The following AKAP10 variants were observed in gnomAD, a reference collection of about 807,000 sequenced individuals.
The protein encoded by AKAP10 is A-kinase anchoring protein 10.
A neutral mutation model predicts 80.8 loss-of-function variants in AKAP10; 24 were observed. The observed-to-expected ratio is 0.30, with a 90% CI of 0.22 to 0.42. The LOEUF (loss-of-function observed/expected upper bound fraction) is 0.42, where lower values mean the gene tolerates loss of function less well. AKAP10 is among the 10% of genes least tolerant of loss of function. The pLI is 1.00. For missense variants in AKAP10, 661 were observed against 794.9 expected (o/e 0.83, Z 2.03); for synonymous variants, 291 against 277.7 (o/e 1.05, Z -0.48).
At chr17:19,950,343 C>T (rs2043185656) in intron 4 of AKAP10, among the ~76,000 whole-genome samples, 1 of 152,274 alleles carries the variant, frequency 6.6e-6, no homozygotes, top group Non-Finnish European at 1.5e-5. Context: ...CCCTCTGATG[C>T]CACCAAAGTT....
chr17:19,968,835 T>TG (rs1299932553), intron 1 of AKAP10, among the ~76,000 whole-genome samples: 2 of 152,088 alleles, frequency 1.3e-5, no homozygotes, highest in Non-Finnish European at 2.9e-5. Context: ...GGATTATTGA[T>TG]GAAAAAAAAT....
chr17:19,929,585 G>A (rs1331337424), intron 10 of AKAP10: 1 of 151,986 alleles, frequency 6.6e-6, no homozygotes, highest in Non-Finnish European at 1.5e-5. Context: ...GGTGTCTAAG[G>A]TTATGATAAG....
At chr17:19,928,331 A>C (rs902762620) in intron 10 of AKAP10, among the ~76,000 whole-genome samples, 6 of 152,232 alleles carry the variant, frequency 3.9e-5, no homozygotes, top group Non-Finnish European at 8.8e-5. Context: ...AAAGATGCTC[A>C]ACATCATTAC....
chr17:19,946,260 T>TATA (rs1567765850), intron 5 of AKAP10, among the ~76,000 whole-genome samples: 6 of 27,830 alleles, frequency 2.2e-4, no homozygotes, highest in Non-Finnish European at 6.3e-5. Context: ...TATATATATA[T>TATA]ATATATATAT....
At chr17:19,943,712 T>C (rs1468644418) in intron 5 of AKAP10, among the ~76,000 whole-genome samples, 1 of 152,194 alleles carries the variant, frequency 6.6e-6, no homozygotes, top group African/African-American at 2.4e-5. Flanking sequence ...CTGTGGGAAC[T>C]CCAATTTATA....
intron 10 of AKAP10, 143 bp from the exon 11 acceptor site, chr17:19,924,660 A>G: frequency 2.1e-6 from 1 of 473,830 alleles, no homozygotes; most frequent in Admixed American, 4.1e-5. Context: ...ATGCTTAACA[A>G]CAATGACTCT....
intron 3 of AKAP10, among the ~76,000 whole-genome samples, chr17:19,960,751 G>C (rs1184719648): frequency 2.0e-5 from 3 of 152,146 alleles, no homozygotes; most frequent in African/African-American, 7.2e-5. Flanking sequence ...ACCAGCCAGG[G>C]ATGACGGCTC....
intron 14 of AKAP10, 97 bp downstream of exon 14, chr17:19,909,084 T>A: frequency 1.0e-6 from 1 of 994,680 alleles, no homozygotes; most frequent in Non-Finnish European, 1.5e-6. Context: ...CCACAGCAGT[T>A]AATCCTTCAA....
chr17:19,913,039 G>A (rs1567750767), intron 12 of AKAP10, among the ~76,000 whole-genome samples: 3 of 150,792 alleles, frequency 2.0e-5, no homozygotes, highest in African/African-American at 7.3e-5. Context: ...ATGTAGTGGT[G>A]CATTATCAGC....
intron 12 of AKAP10, among the ~76,000 whole-genome samples, chr17:19,912,131 T>C (rs1216258229): frequency 6.6e-6 from 1 of 152,122 alleles, no homozygotes; most frequent in East Asian, 1.9e-4. Context: ...AAACTCAATC[T>C]TGGCTGGGCA....
intron 8 of AKAP10, among the ~76,000 whole-genome samples, chr17:19,938,374 T>C (rs1316599875): frequency 6.6e-6 from 1 of 151,842 alleles, no homozygotes; most frequent in African/African-American, 2.4e-5. Context: ...GTAGCTGGGA[T>C]TACAGGTGTG....
At chr17:19,947,607 T>C (rs1363747260) in intron 4 of AKAP10, 102 bp from the exon 5 acceptor site, 5 of 829,334 alleles carry the variant, frequency 6.0e-6, no homozygotes, top group East Asian at 4.9e-5. Context: ...TGAGTTCCTA[T>C]TGCAAAATAA....
intron 1 of AKAP10, 90 bp from the exon 2 acceptor site, chr17:19,968,551 A>G (rs980211333): frequency 2.8e-6 from 3 of 1,083,526 alleles, no homozygotes; most frequent in Non-Finnish European, 4.2e-6. Flanking sequence ...TTATTCTAAG[A>G]TGAGTATTCA....
chr17:19,910,883 A>T (rs1428493551), intron 12 of AKAP10, among the ~76,000 whole-genome samples: 1 of 152,218 alleles, frequency 6.6e-6, no homozygotes, highest in Non-Finnish European at 1.5e-5. Context: ...CCACATCTGT[A>T]ATCACATGCT....
At position 19,977,782 on chromosome 17, in the gene AKAP10, A is replaced by C; in HGVS notation, c.-103T>G. ...GCCCCACCGCCTCCTCGGGATGCCC[A>C]GGCAGCTCCAGCCGCCATATTATCA... On this transcript the variant is annotated 5_prime_UTR_variant, in exon 1 of 15. Coordinates refer to ENST00000225737, the MANE Select transcript of AKAP10 (RefSeq NM_007202.4). 2 of 640,714 alleles carry C rather than the reference A, an allele frequency of 3.1e-6. No individual in the cohort carries two copies. Among genetic ancestry groups the C allele is most frequent in the Non-Finnish European group, 4.5e-6 (2 of 446,682 alleles). 39.7% of individuals were successfully genotyped at this position (640,714 alleles called of 1,614,324 possible).
At chr17:19,919,660 G>T (rs1205866158) in intron 12 of AKAP10, among the ~76,000 whole-genome samples, 1 of 151,552 alleles carries the variant, frequency 6.6e-6, no homozygotes, top group Non-Finnish European at 1.5e-5. Flanking sequence ...CTCCGGTCTG[G>T]GTGACAGAGC....
At chr17:19,914,846 C>T (rs2042728549) in intron 12 of AKAP10, among the ~76,000 whole-genome samples, 1 of 152,004 alleles carries the variant, frequency 6.6e-6, no homozygotes, top group Non-Finnish European at 1.5e-5. Context: ...AGTGAAGAAA[C>T]TTCAGCAAAA....
At chr17:19,960,127 C>G (rs967127045) in intron 3 of AKAP10, among the ~76,000 whole-genome samples, 3 of 152,140 alleles carry the variant, frequency 2.0e-5, no homozygotes, top group Non-Finnish European at 2.9e-5. Flanking sequence ...TTTAGTTTCT[C>G]CCATGGTAAC....
chr17:19,937,739 C>CAGA lies in AKAP10; in HGVS notation c.1323-1312_1323-1310dup, dbSNP rs987580937. On this transcript the variant is annotated intron_variant, in intron 8 of 14. Coordinates refer to ENST00000225737, the MANE Select transcript of AKAP10 (RefSeq NM_007202.4). ...ATACTGTACCAGAATAAACACTGGA[C>CAGA]AGAACATTAAGAACTGCATTCCAGT... is the stretch of plus-strand genomic sequence containing the variant. Among the ~76,000 whole-genome samples the CAGA allele has an allele frequency of 5.9e-5, 9 of 152,248 alleles. No homozygotes were observed. The South Asian group carries it at 6.2e-4, about 11-fold the overall frequency.
Sources: gnomAD v4.1 joint callset for allele counts (sites outside exome capture counted in the v4.1 genomes callset) on GRCh38, gnomAD v4.1.1 for gene constraint, MANE v1.5 for transcripts, NCBI Gene and HGNC (gene_info 2026-07-23, HGNC 2026-07-21) for gene names.